The following GLCCI1 variants were observed in gnomAD, a reference collection of about 807,000 sequenced individuals.
GLCCI1 encodes glucocorticoid-induced transcript 1 protein.
In GLCCI1, 24 loss-of-function variants were observed where a neutral mutation model predicts 52.2. That is an observed-to-expected ratio of 0.46 (90% CI 0.33 to 0.65). GLCCI1 has a LOEUF of 0.65. GLCCI1 is among the 30% of genes least tolerant of loss of function. The pLI is 0.02. For synonymous variants in GLCCI1, 310 were observed against 276.5 expected (o/e 1.12, Z -1.20); for missense variants, 704 against 701.5 (o/e 1.00, Z -0.04).
intron 1 of GLCCI1, among the ~76,000 whole-genome samples, chr7:7,973,864 G>T (rs37975): frequency 0.41 from 62,203 of 151,642 alleles, 13,088 homozygotes; most frequent in Middle Eastern, 0.51. Flanking sequence ...ATCTTTTTAA[G>T]TCATTTTTAT....
rs1354322480 is a variant in GLCCI1, at chr7:7,969,304, C to T, written c.-47C>T. On this transcript the variant is annotated 5_prime_UTR_variant, in exon 1 of 8. Coordinates refer to ENST00000223145, the MANE Select transcript of GLCCI1 (RefSeq NM_138426.4). The surrounding 1 kb of genome is among the most constrained non-coding windows in gnomAD (Gnocchi z 4.9). ...CCCACACGCTCGCGCGCCTCCCGCC[C>T]CGCGCCTCCGTGTCGGCCGGCGGCG... 1.4e-6 allele frequency: 2 copies of T among 1,385,760 alleles called. No homozygotes were observed. The highest frequency in any genetic ancestry group is 1.9e-6 in the Non-Finnish European group (2 of 1,062,354). 85.8% of individuals were successfully genotyped at this position (1,385,760 alleles called of 1,614,324 possible). A position where few individuals can be genotyped will look rare whatever the true frequency, so the allele number is the denominator to read the frequency against.
Position 8,087,760 on chromosome 7 carries a change from A to G in GLCCI1, c.*1222A>G, listed in dbSNP as rs1300452874. Reference sequence around the variant, plus strand: ...GTTTTTTTGGTGACTTACAAGAGCAATAGTTTGAAGCTATCTCATTTAAGC... The same window carrying G: ...GTTTTTTTGGTGACTTACAAGAGCAGTAGTTTGAAGCTATCTCATTTAAGC... On this transcript the variant is annotated 3_prime_UTR_variant, in exon 8 of 8. Coordinates refer to ENST00000223145, the MANE Select transcript of GLCCI1 (RefSeq NM_138426.4). The G allele has an allele frequency of 6.6e-6, 1 of 152,632 alleles. No individual in the cohort carries two copies. Among genetic ancestry groups the G allele is most frequent in the Non-Finnish European group, 1.5e-5 (1 of 68,034 alleles). 9.5% of individuals were successfully genotyped at this position (152,632 alleles called of 1,614,324 possible).
intron 3 of GLCCI1, among the ~76,000 whole-genome samples, chr7:8,047,484 C>T (rs1200364475): frequency 6.6e-6 from 1 of 152,124 alleles, no homozygotes; most frequent in African/African-American, 2.4e-5. Flanking sequence ...TTAATTTGCA[C>T]CCATTTAGTT....
At chr7:7,988,830 A>C (rs572614368) in intron 1 of GLCCI1, among the ~76,000 whole-genome samples, 17 of 152,250 alleles carry the variant, frequency 1.1e-4, no homozygotes, top group Admixed American at 4.6e-4. Context: ...TCTTGTGCCT[A>C]CTTCTAGGCT....
Position 8,023,433 on chromosome 7 carries a change from T to C in GLCCI1, c.696+864T>C, listed in dbSNP as rs112640848. Among the ~76,000 whole-genome samples the C allele has an allele frequency of 2.6e-4, 39 of 152,158 alleles. 1 individual carries two copies. Among genetic ancestry groups the C allele is most frequent in the African/African-American group, 5.8e-4 (24 of 41,520 alleles). On this transcript the variant is annotated intron_variant, in intron 3 of 7. Transcript: ENST00000223145. ...AATAACCTGAGGTGTCATATCTTTA[T>C]GTATATTTTGGATTATTTTTCCTGA...
At position 8,087,161 on chromosome 7, in the gene GLCCI1, T is replaced by C. The variant is rs1783134274; in HGVS notation, c.*623T>C. 6.6e-6 allele frequency: 1 copy of C among 152,644 alleles called. No individual in the cohort carries two copies. Among genetic ancestry groups the C allele is most frequent in the African/African-American group, 2.4e-5 (1 of 41,446 alleles). The allele number at this position is 152,644 out of a possible 1,614,324, so 9.5% of individuals were successfully genotyped here. Reference sequence around the variant, plus strand: ...CATCACTCTTTTGCCTTTCCTTATTTTATGCATTTCCCTTTCCTCATTACA... The same window carrying C: ...CATCACTCTTTTGCCTTTCCTTATTCTATGCATTTCCCTTTCCTCATTACA... On this transcript the variant is annotated 3_prime_UTR_variant, in exon 8 of 8. Transcript: ENST00000223145.
In GLCCI1 at chr7:8,050,980, A is replaced by G. The variant is rs1035342428; in HGVS notation, c.697-4453A>G. ...CTTCTACAATGCTAGTACTCAGTAA[A>G]TAATTAGATAGGCAAATTTTAATGA... On this transcript the variant is annotated intron_variant, in intron 3 of 7. Coordinates refer to ENST00000223145, the MANE Select transcript of GLCCI1 (RefSeq NM_138426.4). Among the ~76,000 whole-genome samples the G allele has an allele frequency of 2.6e-5, 4 of 152,242 alleles. 1 individual carries two copies. Among genetic ancestry groups the G allele is most frequent in the African/African-American group, 9.6e-5 (4 of 41,462 alleles).
Position 8,071,070 on chromosome 7 carries a change from C to T in GLCCI1, c.1116C>T (p.Pro372=). 6.2e-7 allele frequency: 1 copy of T among 1,614,164 alleles called. No homozygotes were observed. Among genetic ancestry groups the T allele is most frequent in the Non-Finnish European group, 8.5e-7 (1 of 1,180,008 alleles). ...CACCCTGTGTCTCCCCTTTTTGTCC[C>T]CCGGAATCCCAGGATGGTAGCCCTT... ...SHSPCVSPFC[P]PESQDGSPCS... The change falls in exon 6 of 8, where the codon CCC becomes CCT. Residue 372 remains proline (P), a synonymous_variant. Transcript: ENST00000223145.
chr7:8,026,574 C>A (rs568678485), intron 3 of GLCCI1, among the ~76,000 whole-genome samples: 1 of 152,380 alleles, frequency 6.6e-6, no homozygotes, highest in Admixed American at 6.5e-5. Context: ...CCCTCCATTC[C>A]CTGGCAGCAG....
At chr7:7,976,566 C>A (rs572858601) in intron 1 of GLCCI1, among the ~76,000 whole-genome samples, 1 of 149,172 alleles carries the variant, frequency 6.7e-6, no homozygotes, top group Non-Finnish European at 1.5e-5. Flanking sequence ...TAGTAACCCA[C>A]GGTTGTGTGG....
intron 2 of GLCCI1, among the ~76,000 whole-genome samples, chr7:8,007,291 A>G (rs1781171439): frequency 6.6e-6 from 1 of 152,200 alleles, no homozygotes; most frequent in Admixed American, 6.5e-5. Flanking sequence ...ATAGCTGTAC[A>G]TTAATATGTA....
chr7:7,994,641 C>A (rs573572267), intron 1 of GLCCI1, among the ~76,000 whole-genome samples: 1 of 152,300 alleles, frequency 6.6e-6, no homozygotes, highest in African/African-American at 2.4e-5. Context: ...ACTCTTAATA[C>A]CATCAGAGTG....
intron 6 of GLCCI1, among the ~76,000 whole-genome samples, chr7:8,076,029 C>G (rs775482142): frequency 6.6e-6 from 1 of 152,230 alleles, no homozygotes; most frequent in Non-Finnish European, 1.5e-5. Context: ...TGACCCTAGG[C>G]AGACTTTTGA....
chr7:8,067,726 A>T (rs1016856264), intron 5 of GLCCI1, among the ~76,000 whole-genome samples: 1 of 152,194 alleles, frequency 6.6e-6, no homozygotes, highest in African/African-American at 2.4e-5. Flanking sequence ...TGTTGGCCTC[A>T]TGGGGTTCCC....
chr7:7,978,257 A>G (rs932016376), intron 1 of GLCCI1, among the ~76,000 whole-genome samples: 7 of 152,148 alleles, frequency 4.6e-5, no homozygotes, highest in African/African-American at 7.2e-5. Flanking sequence ...ATATTTGGCA[A>G]TGTAAACTTT....
chr7:8,041,053 G>A (rs1033103044), intron 3 of GLCCI1, among the ~76,000 whole-genome samples: 1 of 152,130 alleles, frequency 6.6e-6, no homozygotes, highest in Non-Finnish European at 1.5e-5. Context: ...CAAAAACTAG[G>A]TCTCTTGCAC....
chr7:8,042,673 G>C (rs775453168), intron 3 of GLCCI1, among the ~76,000 whole-genome samples: 4 of 152,188 alleles, frequency 2.6e-5, no homozygotes, highest in Non-Finnish European at 1.5e-5. Flanking sequence ...TGACTGATTT[G>C]CTGCAATCTG....
At chr7:7,984,639 G>A (rs1245886880) in intron 1 of GLCCI1, among the ~76,000 whole-genome samples, 1 of 152,148 alleles carries the variant, frequency 6.6e-6, no homozygotes, top group East Asian at 1.9e-4. Flanking sequence ...AAACTTTTTA[G>A]GAAGTCAGTT....
chr7:8,028,861 A>C (rs915780018), intron 3 of GLCCI1, among the ~76,000 whole-genome samples: 1 of 152,154 alleles, frequency 6.6e-6, no homozygotes, highest in African/African-American at 2.4e-5. Flanking sequence ...ATAAGAAATG[A>C]ATAAATTCTC....
Sources: gnomAD v4.1 joint callset for allele counts (sites outside exome capture counted in the v4.1 genomes callset) on GRCh38, gnomAD v4.1.1 for gene constraint, Gnocchi (gnomAD v3.1) non-coding constraint, MANE v1.5 for transcripts, NCBI Gene and HGNC (gene_info 2026-07-23, HGNC 2026-07-21) for gene names.